FRMPD4: variants seen among roughly 807,000 people sequenced by gnomAD.
FRMPD4 encodes FERM and PDZ domain containing 4, also known as FERM and PDZ domain-containing protein 4.
FRMPD4 carries 22 observed loss-of-function variants against 94.1 expected under a neutral mutation model. That is an observed-to-expected ratio of 0.23 (90% CI 0.17 to 0.33). FRMPD4 has a LOEUF of 0.33. Among genes scored for constraint, FRMPD4 ranks in the 10% least tolerant of loss-of-function variants. The pLI, the probability that FRMPD4 is intolerant of heterozygous loss-of-function variation, is 1.00. For missense variants in FRMPD4, 1,111 were observed against 1,339.9 expected (o/e 0.83, Z 2.67); for synonymous variants, 631 against 548.6 (o/e 1.15, Z -2.10).
chrX:11,971,837 A>T (rs978248428), intron 3 of FRMPD4, among the ~76,000 whole-genome samples: 1 of 112,550 alleles, frequency 8.9e-6, no homozygotes, highest in Non-Finnish European at 1.9e-5. Flanking sequence ...CAACTGTAAG[A>T]TGTATTTCAC....
intron 1 of FRMPD4, among the ~76,000 whole-genome samples, chrX:12,296,760 T>G (rs1328569906): frequency 8.9e-6 from 1 of 112,403 alleles, no homozygotes; most frequent in African/African-American, 3.2e-5. Flanking sequence ...GTAGATGTTC[T>G]CCCTTCAAGT....
intron 1 of FRMPD4, among the ~76,000 whole-genome samples, chrX:12,229,153 G>T (rs1005658738): frequency 7.2e-5 from 8 of 111,888 alleles, no homozygotes; most frequent in Non-Finnish European, 1.3e-4. Context: ...ATATATTCAC[G>T]CTGATTTTGA....
intron 1 of FRMPD4, among the ~76,000 whole-genome samples, chrX:12,427,897 C>CTTTTTTTTTTT (rs139267482): frequency 3.7e-5 from 2 of 54,770 alleles, no homozygotes; most frequent in Non-Finnish European, 6.1e-5. Flanking sequence ...CCTTTTTTCT[C>CTTTTTTTTTTT]TTTTTTTTTT....
intron 2 of FRMPD4, among the ~76,000 whole-genome samples, 178 bp from the exon 3 acceptor site, chrX:12,609,543 A>C (rs1569362799): frequency 8.9e-6 from 1 of 112,196 alleles, no homozygotes; most frequent in Non-Finnish European, 1.9e-5. Context: ...CCAATGCAAA[A>C]GCCTGAAGCA....
intron 1 of FRMPD4, among the ~76,000 whole-genome samples, chrX:12,390,206 G>C (rs73434848): frequency 0.014 from 1,524 of 112,314 alleles, 22 homozygotes; most frequent in African/African-American, 0.041. Flanking sequence ...TTTATTTTCA[G>C]TCTGAGGAGA....
intron 1 of FRMPD4, among the ~76,000 whole-genome samples, chrX:12,154,258 A>G (rs2055902023): frequency 8.8e-6 from 1 of 113,161 alleles, no homozygotes; most frequent in Non-Finnish European, 1.9e-5. Context: ...TAGTCATTAA[A>G]CAATTTGAAT....
chrX:12,334,611 A>G (rs1350159139), intron 1 of FRMPD4, among the ~76,000 whole-genome samples: 6 of 88,880 alleles, frequency 6.8e-5, no homozygotes, highest in South Asian at 4.3e-4. Flanking sequence ...TTCATTGGTG[A>G]AAAAAAAAAA....
chrX:12,349,717 T>C (rs56838393), intron 1 of FRMPD4, among the ~76,000 whole-genome samples: 11,334 of 111,503 alleles, frequency 0.1, 595 homozygotes, highest in Non-Finnish European at 0.15. Context: ...CAGAAGAGAA[T>C]GCAAATATTG....
intron 4 of FRMPD4, among the ~76,000 whole-genome samples, chrX:12,633,382 C>T (rs994813234): frequency 5.4e-5 from 6 of 111,497 alleles, no homozygotes; most frequent in Admixed American, 2.9e-4. Flanking sequence ...AACCCCCTTC[C>T]AGGAATCCTT....
chrX:12,196,677 T>G (rs754637584), intron 1 of FRMPD4, among the ~76,000 whole-genome samples: 1 of 108,336 alleles, frequency 9.2e-6, no homozygotes, highest in South Asian at 3.8e-4. Context: ...TATATATAAT[T>G]TATATACACA....
chrX:11,849,824 C>T (rs368616162), intron 1 of FRMPD4, among the ~76,000 whole-genome samples: 1 of 110,989 alleles, frequency 9.0e-6, no homozygotes, highest in African/African-American at 3.3e-5. Flanking sequence ...CTATAAAACT[C>T]TTTGAAGCAA....
chrX:12,719,926 T>C (rs1465767416), intron 16 of FRMPD4, among the ~76,000 whole-genome samples: 1 of 109,174 alleles, frequency 9.2e-6, no homozygotes, highest in Non-Finnish European at 1.9e-5. Flanking sequence ...TGCTGACTTC[T>C]TAAAAAGATT....
intron 3 of FRMPD4, among the ~76,000 whole-genome samples, chrX:11,968,071 G>A (rs764767750): frequency 4.5e-5 from 5 of 110,663 alleles, no homozygotes; most frequent in South Asian, 3.9e-4. Flanking sequence ...ATTTGGAGGC[G>A]GGGGCAGTAG....
intron 3 of FRMPD4, among the ~76,000 whole-genome samples, chrX:11,967,088 TG>T (rs2054313396): frequency 8.9e-6 from 1 of 111,893 alleles, no homozygotes; most frequent in African/African-American, 3.3e-5. Context: ...ACTCCCTTCC[TG>T]GAGTTTGAAC....
chrX:11,952,832 C>T (rs1432228832), intron 3 of FRMPD4, among the ~76,000 whole-genome samples: 1 of 111,669 alleles, frequency 9.0e-6, no homozygotes, highest in Non-Finnish European at 1.9e-5. Context: ...AAGGTGGAGA[C>T]CATCAGCAAC....
At chrX:11,850,976 A>G (rs1452952734) in intron 1 of FRMPD4, among the ~76,000 whole-genome samples, 1 of 111,964 alleles carries the variant, frequency 8.9e-6, no homozygotes, top group African/African-American at 3.2e-5. Flanking sequence ...TTTTACCACA[A>G]TTTTTAAAAA....
chrX:11,865,226 T>C (rs1396272630), intron 2 of FRMPD4, among the ~76,000 whole-genome samples: 1 of 112,183 alleles, frequency 8.9e-6, no homozygotes, highest in African/African-American at 3.2e-5. Flanking sequence ...GGTAAGTGGT[T>C]ATATTCATTT....
At chrX:12,703,277 T>A (rs1271023776) in intron 10 of FRMPD4, among the ~76,000 whole-genome samples, 4 of 112,485 alleles carry the variant, frequency 3.6e-5, no homozygotes, top group Non-Finnish European at 5.6e-5. Context: ...TGTGGTCTGA[T>A]TGTAAAAACA....
chrX:11,892,933 A>C (rs1031543886), intron 3 of FRMPD4, among the ~76,000 whole-genome samples: 3 of 112,069 alleles, frequency 2.7e-5, no homozygotes, highest in African/African-American at 9.7e-5. Context: ...TAAAAGAAAA[A>C]AATTCTTGGG....
Sources: gnomAD v4.1 joint callset for allele counts (sites outside exome capture counted in the v4.1 genomes callset) on GRCh38, gnomAD v4.1.1 for gene constraint, MANE v1.5 for transcripts, NCBI Gene and HGNC (gene_info 2026-07-23, HGNC 2026-07-21) for gene names.